The following PTPRT variants were observed in gnomAD, a reference collection of about 807,000 sequenced individuals.
PTPRT encodes receptor-type tyrosine-protein phosphatase T.
In PTPRT, 56 loss-of-function variants were observed where a neutral mutation model predicts 176.8. The ratio of observed to expected loss-of-function variants is 0.32; its 90% CI spans 0.26 to 0.40. PTPRT has a LOEUF of 0.40. Among genes scored for constraint, PTPRT ranks in the 10% least tolerant of loss-of-function variants. PTPRT has a pLI of 1.00. For missense variants in PTPRT, 1,540 were observed against 1,908.2 expected, an observed-to-expected ratio of 0.81 and a Z score of 3.60; for synonymous variants, 783 against 739.0, an observed-to-expected ratio of 1.06 and a Z score of -0.96.
At position 42,967,152 on chromosome 20, in the gene PTPRT, A is replaced by T. The variant is rs191029208; in HGVS notation, c.89-81220T>A. Among the ~76,000 whole-genome samples the T allele has an allele frequency of 3.3e-5, 5 of 152,308 alleles. No individual in the cohort carries two copies. In the East Asian group the frequency reaches 5.8e-4, roughly 18 times the overall value. Reference sequence around the variant, plus strand: ...AGCTACTTAAAGACACCCTGAGAACAGGAACTGCTCCATCCCTTTGGTAGC... The same window carrying T: ...AGCTACTTAAAGACACCCTGAGAACTGGAACTGCTCCATCCCTTTGGTAGC... On this transcript the variant is annotated intron_variant, in intron 1 of 30. Coordinates refer to ENST00000373187, the MANE Select transcript of PTPRT (RefSeq NM_007050.6).
intron 7 of PTPRT, among the ~76,000 whole-genome samples, chr20:42,533,328 G>A (rs758753219): frequency 4.6e-5 from 7 of 152,152 alleles, no homozygotes; most frequent in Non-Finnish European, 8.8e-5. Context: ...CGGGTGTGCC[G>A]CCGGGTCTCA....
chr20:42,390,114 T>C (rs75410774), intron 9 of PTPRT, among the ~76,000 whole-genome samples: 2,987 of 152,250 alleles, frequency 0.02, 92 homozygotes, highest in African/African-American at 0.069. Flanking sequence ...AGCATTCAAT[T>C]TTCTCCCAAT....
chr20:42,690,545 G>A (rs374230572), intron 6 of PTPRT, among the ~76,000 whole-genome samples: 9 of 152,272 alleles, frequency 5.9e-5, no homozygotes, highest in Admixed American at 5.2e-4. Flanking sequence ...TGTTCAACAT[G>A]CTGGGTGAGT....
intron 1 of PTPRT, among the ~76,000 whole-genome samples, chr20:43,156,356 G>A (rs202081202): frequency 7.2e-5 from 11 of 152,270 alleles, no homozygotes; most frequent in East Asian, 1.9e-4. Context: ...AAAAGGGAGC[G>A]GGTGCCTGTG....
chr20:42,215,199 TG>T (rs2055740180), intron 15 of PTPRT, among the ~76,000 whole-genome samples: 1 of 152,112 alleles, frequency 6.6e-6, no homozygotes, highest in Admixed American at 6.5e-5. Flanking sequence ...ACCCCTGGGT[TG>T]GGGAGATGGC....
At chr20:42,241,588 T>C (rs2056354978) in intron 14 of PTPRT, among the ~76,000 whole-genome samples, 1 of 152,220 alleles carries the variant, frequency 6.6e-6, no homozygotes, top group African/African-American at 2.4e-5. Context: ...AGGGGCTTCC[T>C]TTGCAGTGGC....
At chr20:43,060,202 C>T (rs1987399105) in intron 1 of PTPRT, among the ~76,000 whole-genome samples, 1 of 152,064 alleles carries the variant, frequency 6.6e-6, no homozygotes, top group Non-Finnish European at 1.5e-5. Flanking sequence ...TGTGACAGAA[C>T]ACCATAGACT....
rs767036722 is a variant in PTPRT, at chr20:42,077,345, AG to A, written c.*3533del. On this transcript the variant is annotated 3_prime_UTR_variant, in exon 31 of 31. Coordinates refer to ENST00000373187, the MANE Select transcript of PTPRT (RefSeq NM_007050.6). ...GCTAAGATACATCCTGAAGCTATTT[AG>A]GCCATAAACACAGGTGGAGAAATTT... 1.5e-5 allele frequency: 3 copies of A among 205,070 alleles called. No homozygotes were observed. The highest frequency in any genetic ancestry group is 3.0e-5 in the Non-Finnish European group (3 of 100,212). The allele number at this position is 205,070 out of a possible 1,614,324, so 12.7% of individuals were successfully genotyped here.
chr20:42,603,429 A>C (rs2073818207), intron 7 of PTPRT, among the ~76,000 whole-genome samples: 1 of 152,162 alleles, frequency 6.6e-6, no homozygotes, highest in South Asian at 2.1e-4. Context: ...AACAGGCAAA[A>C]AACTTAGAGG....
intron 9 of PTPRT, among the ~76,000 whole-genome samples, chr20:42,386,100 C>T (rs918332691): frequency 6.6e-6 from 1 of 152,104 alleles, no homozygotes; most frequent in Non-Finnish European, 1.5e-5. Flanking sequence ...CTCACACACA[C>T]GATGTTGAAA....
chr20:42,712,226 C>T (rs1600648797), intron 6 of PTPRT, among the ~76,000 whole-genome samples: 1 of 152,176 alleles, frequency 6.6e-6, no homozygotes, highest in Non-Finnish European at 1.5e-5. Context: ...AAGATAGTCC[C>T]TTTCCCCAAG....
intron 1 of PTPRT, among the ~76,000 whole-genome samples, chr20:43,166,555 C>T (rs183250070): frequency 2.6e-5 from 4 of 152,282 alleles, no homozygotes; most frequent in African/African-American, 9.6e-5. Flanking sequence ...AGTCATCTGA[C>T]CAGTAACCAA....
intron 1 of PTPRT, among the ~76,000 whole-genome samples, chr20:43,034,147 C>T (rs549639033): frequency 3.3e-5 from 5 of 152,314 alleles, no homozygotes; most frequent in South Asian, 2.1e-4. Context: ...TCTTTCCTGA[C>T]CCACAGAAAG....
chr20:42,790,096 T>C (rs2077350260), intron 3 of PTPRT, among the ~76,000 whole-genome samples: 3 of 152,196 alleles, frequency 2.0e-5, no homozygotes, highest in Admixed American at 2.0e-4. Context: ...CTTACTAGGA[T>C]GATGAACATG....
intron 7 of PTPRT, among the ~76,000 whole-genome samples, chr20:42,519,389 G>C (rs2145489628): frequency 6.6e-6 from 1 of 152,146 alleles, no homozygotes; most frequent in Non-Finnish European, 1.5e-5. Context: ...CTTGTTTCTA[G>C]TTTTGAGGTT....
intron 1 of PTPRT, among the ~76,000 whole-genome samples, chr20:42,913,229 C>G (rs566216606): frequency 2.0e-5 from 3 of 152,208 alleles, no homozygotes; most frequent in African/African-American, 7.2e-5. Context: ...GTGGCTTAAA[C>G]GACAGAAAGG....
At chr20:43,010,610 T>C (rs1010606359) in intron 1 of PTPRT, among the ~76,000 whole-genome samples, 2 of 152,166 alleles carry the variant, frequency 1.3e-5, no homozygotes, top group African/African-American at 4.8e-5. Flanking sequence ...CGTATACTGG[T>C]TGACAGCATC....
intron 1 of PTPRT, among the ~76,000 whole-genome samples, chr20:43,024,872 G>T (rs1308133656): frequency 1.3e-5 from 2 of 152,136 alleles, no homozygotes; most frequent in African/African-American, 4.8e-5. Context: ...GCCCACCCCT[G>T]GGAGAACCAA....
At chr20:43,058,656 T>G (rs554438439) in intron 1 of PTPRT, among the ~76,000 whole-genome samples, 1 of 152,214 alleles carries the variant, frequency 6.6e-6, no homozygotes, top group Non-Finnish European at 1.5e-5. Flanking sequence ...ATCAGTGAGA[T>G]GGAAACCAGG....
Sources: gnomAD v4.1 joint callset for allele counts (sites outside exome capture counted in the v4.1 genomes callset) on GRCh38, gnomAD v4.1.1 for gene constraint, MANE v1.5 for transcripts, NCBI Gene and HGNC (gene_info 2026-07-23, HGNC 2026-07-21) for gene names.